The following MELTF variants were observed in gnomAD, a reference collection of about 807,000 sequenced individuals.
The protein encoded by MELTF is antigen p97 (melanoma associated) identified by monoclonal antibodies 133.2 and 96.5.
In MELTF, 67 loss-of-function variants were observed where a neutral mutation model predicts 83.7. The observed-to-expected ratio is 0.80, with a 90% confidence interval of 0.66 to 0.98. MELTF has a LOEUF of 0.98. MELTF is among the 50% of genes least tolerant of loss of function. The pLI, the probability that MELTF is intolerant of heterozygous loss-of-function variation, is 0.00. For synonymous variants in MELTF, 462 were observed against 447.6 expected (o/e 1.03, Z -0.41); for missense variants, 1,002 against 1,035.6 (o/e 0.97, Z 0.44).
chr3:197,026,722 G>A lies in MELTF; in HGVS notation c.242C>T (p.Ala81Val). The A allele has an allele frequency of 6.2e-7, 1 of 1,613,226 alleles. No individual in the cohort carries two copies. Among genetic ancestry groups the A allele is most frequent in the Non-Finnish European group, 8.5e-7 (1 of 1,180,000 alleles). Residue 81 changes from alanine to valine, a missense_variant, in exon 3 of 16, where the codon GCC becomes GTC. Transcript: ENST00000296350. ...EADAITLDGG[A>V]IYEAGKEHGL... ...GTGCTCCTTTCCCGCCTCATAGATGGCTCCTCCATCCAGAGTGATGGCGTC... is the reference window on the plus strand; with the variant it reads ...GTGCTCCTTTCCCGCCTCATAGATGACTCCTCCATCCAGAGTGATGGCGTC...
At chr3:197,026,322 T>G in intron 3 of MELTF, 2 of 236,292 alleles carry the variant, frequency 8.5e-6, no homozygotes. Context: ...TGGCTCGGCA[T>G]TAAGGACGCC....
rs1320265595 is a variant in MELTF, at chr3:197,017,269, C to A, written c.734G>T (p.Gly245Val). Residue 245 changes from glycine (G) to valine (V), a missense_variant, in exon 7 of 16, where the codon GGC becomes GTC. Coordinates refer to ENST00000296350, the MANE Select transcript of MELTF (RefSeq NM_005929.6). ...NTDGKTLPSW[G>V]QALLSQDFEL... ...GAAGTCCTGTGACAGCAGGGCCTGG[C>A]CCCAGGAGGGAAGCGTCTTCCCTGG... 2 of 1,567,116 alleles carry A rather than the reference C, an allele frequency of 1.3e-6. No individual in the cohort carries two copies. Among genetic ancestry groups the A allele is most frequent in the Admixed American group, 1.9e-5 (1 of 51,976 alleles).
At chr3:197,019,864 A>G in intron 6 of MELTF, 1 of 1,498,718 alleles carries the variant, frequency 6.7e-7, no homozygotes, top group South Asian at 1.3e-5. Flanking sequence ...AAAAAACCCA[A>G]TCATCAGACG....
chr3:197,015,380 G>A lies in MELTF; in HGVS notation c.1218C>T (p.Cys406=). Residue 406 remains cysteine, a synonymous_variant, in exon 9 of 16, where the codon TGC becomes TGT. Coordinates refer to ENST00000296350, the MANE Select transcript of MELTF (RefSeq NM_005929.6). ...TGACTCCCACCTGGATCCGCTCCAT[G>A]CAGTGTTGGGGGGACTTGGCTGACA... ...QCVSAKSPQH[C]MERIQAEQVD... is the part of the protein sequence containing the mutation. The A allele has an allele frequency of 6.4e-7, 1 of 1,569,258 alleles. No individual in the cohort carries two copies. The highest frequency in any genetic ancestry group is 2.4e-5 in the East Asian group (1 of 41,996).
chr3:197,016,110 G>A (rs1350272595), intron 8 of MELTF, 79 bp downstream of exon 8: 5 of 1,301,158 alleles, frequency 3.8e-6, no homozygotes, highest in Non-Finnish European at 5.1e-6. Context: ...TCTTCCCCCG[G>A]CCACTTTCCC....
Position 197,022,603 on chromosome 3 carries a change from G to A in MELTF, c.644+354C>T, listed in dbSNP as rs537506082. 6.6e-6 allele frequency among the ~76,000 whole-genome samples: 1 copy of A among 152,142 alleles called. No homozygotes were observed. The highest frequency in any genetic ancestry group is 1.9e-4 in the East Asian group (1 of 5,186). On this transcript the variant is annotated intron_variant, in intron 5 of 15. Coordinates refer to ENST00000296350, the MANE Select transcript of MELTF (RefSeq NM_005929.6). This position sits in a 1 kb window ranked among gnomAD's most constrained non-coding sequence, Gnocchi z 5.1. The stretch of plus-strand genomic sequence containing the variant: ...GCCAGCCGCAACCAGCAGCAGAGAC[G>A]GGCCGGCCCCAGGTGTCCAGACACA...
At position 197,016,232 on chromosome 3, in the gene MELTF, A is replaced by G; in HGVS notation, c.1038T>C (p.His346=). Residue 346 remains histidine (H), a synonymous_variant, in exon 8 of 16, where the codon CAT becomes CAC. Coordinates refer to ENST00000296350, the MANE Select transcript of MELTF (RefSeq NM_005929.6). ...ATQTYEAWLG[H]EYLHAMKGLL... ...GACCCTTCATGGCGTGCAGGTACTC[A>G]TGGCCCAGCCACGCCTCATAGGTCT... The G allele has an allele frequency of 6.2e-7, 1 of 1,600,668 alleles. No individual in the cohort carries two copies. The highest frequency in any genetic ancestry group is 1.1e-5 in the South Asian group (1 of 88,868).
intron 6 of MELTF, 75 bp from the exon 7 acceptor site, chr3:197,017,365 G>A: frequency 7.6e-7 from 1 of 1,323,406 alleles, no homozygotes; most frequent in African/African-American, 1.5e-5. Flanking sequence ...CCCAGGAGAG[G>A]GAATCTGAGG....
rs1358690908 is a variant in MELTF, at chr3:197,011,155, C to T, written c.1234-361G>A. 7.9e-5 allele frequency among the ~76,000 whole-genome samples: 12 copies of T among 152,250 alleles called. No homozygotes were observed. Among genetic ancestry groups the T allele is most frequent in the Non-Finnish European group, 1.3e-4 (9 of 68,044 alleles). ...TGCCAGCCCCCAGACAGCCGGGCAC[C>T]GCCTCTCCAGCACCTGGCCAAGGGC... On this transcript the variant is annotated intron_variant, in intron 9 of 15. Coordinates refer to ENST00000296350, the MANE Select transcript of MELTF (RefSeq NM_005929.6). The surrounding 1 kb of genome is among the most constrained non-coding windows in gnomAD (Gnocchi z 4.2).
intron 6 of MELTF, 36 bp downstream of exon 6, chr3:197,021,368 C>T: frequency 1.2e-6 from 2 of 1,610,634 alleles, no homozygotes; most frequent in Non-Finnish European, 1.7e-6. Flanking sequence ...GGCCTGACTC[C>T]CTGCTCCTCT....
intron 9 of MELTF, among the ~76,000 whole-genome samples, 187 bp downstream of exon 9, chr3:197,015,178 C>T (rs758680766): frequency 6.6e-6 from 1 of 152,170 alleles, no homozygotes; most frequent in Non-Finnish European, 1.5e-5. Flanking sequence ...TCGCTCCTCC[C>T]CGCCTGTCTC....
At chr3:197,021,506 AGCCCCT>A in intron 5 of MELTF, 35 bp from the exon 6 acceptor site, 2 of 1,601,418 alleles carry the variant, frequency 1.2e-6, no homozygotes, top group Admixed American at 1.7e-5. Context: ...GGATGGGCTG[AGCCCCT>A]GCCCCTGCCC....
intron 6 of MELTF, among the ~76,000 whole-genome samples, chr3:197,018,148 C>A (rs1229259797): frequency 2.0e-5 from 3 of 152,048 alleles, no homozygotes; most frequent in Non-Finnish European, 2.9e-5. Flanking sequence ...TTTGACCTCA[C>A]CCCCCCTTTT....
chr3:197,004,192 G>T, intron 14 of MELTF, 93 bp from the exon 15 acceptor site: 1 of 1,184,050 alleles, frequency 8.4e-7, no homozygotes, highest in Non-Finnish European at 1.3e-6. Context: ...TTTACATACA[G>T]TGACCCAAAG....
rs1259070827 is a variant in MELTF at position 197,008,480 on chromosome 3, A to T, written c.1750+177T>A. ...CCAGCACCCCTGGATGTGTGGTCTG[A>T]GGTCTGTTCTTACCCTGTGACCCTT... On this transcript the variant is annotated intron_variant, in intron 13 of 15. Transcript: ENST00000296350. This position sits in a 1 kb window ranked among gnomAD's most constrained non-coding sequence, Gnocchi z 5.4. 2.0e-5 allele frequency among the ~76,000 whole-genome samples: 3 copies of T among 152,122 alleles called. No individual in the cohort carries two copies. The highest frequency in any genetic ancestry group is 4.4e-5 in the Non-Finnish European group (3 of 68,016).
At position 197,017,141 on chromosome 3, in the gene MELTF, C is replaced by T. The variant is rs779543570; in HGVS notation, c.862G>A (p.Asp288Asn). ...AHAVVVRADT[D>N]GGLIFRLLNE... ...AGCAGCCGGAAGATGAGGCCCCCATCTGTGTCGGCCCGGACCACCACGGCG... is the reference window on the plus strand; with the variant it reads ...AGCAGCCGGAAGATGAGGCCCCCATTTGTGTCGGCCCGGACCACCACGGCG... Residue 288 changes from aspartate to asparagine, a missense_variant, in exon 7 of 16, where the codon GAT becomes AAT. Transcript: ENST00000296350. 6 of 1,612,190 alleles carry T rather than the reference C, an allele frequency of 3.7e-6. No homozygotes were observed. Among genetic ancestry groups the T allele is most frequent in the Non-Finnish European group, 5.1e-6 (6 of 1,179,698 alleles).
chr3:197,019,313 C>T (rs1034470416), intron 6 of MELTF: 3 of 1,078,356 alleles, frequency 2.8e-6, no homozygotes, highest in Non-Finnish European at 3.4e-6. Context: ...CGCTTCTCCT[C>T]AGCCAAGAAC....
Position 197,024,585 on chromosome 3 carries a change from G to A in MELTF, c.305-100C>T, listed in dbSNP as rs1719777623. 6 of 1,066,798 alleles carry A rather than the reference G, an allele frequency of 5.6e-6. No homozygotes were observed. The highest frequency in any genetic ancestry group is 2.6e-5 in the East Asian group (1 of 39,194). 66.1% of individuals were successfully genotyped at this position (1,066,798 alleles called of 1,614,324 possible). ...CGGGCTGTGGGAGAGGTGTGTGCAC[G>A]GAGCACGGCTGTACACACGGATGTG... On this transcript the variant is annotated intron_variant, in intron 3 of 15. Coordinates refer to ENST00000296350, the MANE Select transcript of MELTF (RefSeq NM_005929.6). The surrounding 1 kb of genome is among the most constrained non-coding windows in gnomAD (Gnocchi z 5.3).
At chr3:197,014,274 A>G (rs2148583111) in intron 9 of MELTF, among the ~76,000 whole-genome samples, 1 of 151,908 alleles carries the variant, frequency 6.6e-6, no homozygotes, top group South Asian at 2.1e-4. Flanking sequence ...TAAACACCAT[A>G]TGTTCCACTC....
Sources: allele counts gnomAD v4.1 joint callset (sites outside exome capture counted in the v4.1 genomes callset), GRCh38; gene constraint gnomAD v4.1.1; non-coding constraint Gnocchi (gnomAD v3.1); transcripts MANE v1.5; gene names NCBI Gene and HGNC (gene_info 2026-07-23, HGNC 2026-07-21).